The following SGCZ variants were observed in gnomAD, a reference collection of about 807,000 sequenced individuals.
The protein encoded by SGCZ is sarcoglycan zeta, also known as zeta-sarcoglycan.
Under a neutral mutation model 41.3 loss-of-function variants are expected in SGCZ, and 40 were observed. The ratio of observed to expected loss-of-function variants is 0.97; its 90% CI spans 0.75 to 1.26. The LOEUF is 1.26. SGCZ is among the 50% of genes most tolerant of loss of function. SGCZ has a pLI of 0.00. For missense variants in SGCZ, 552 were observed against 369.8 expected, an observed-to-expected ratio of 1.49 and a Z score of -4.04; for synonymous variants, 206 against 137.5, an observed-to-expected ratio of 1.50 and a Z score of -3.49.
intron 2 of SGCZ, among the ~76,000 whole-genome samples, chr8:14,384,356 T>G (rs1471878635): frequency 6.6e-6 from 1 of 152,140 alleles, no homozygotes; most frequent in Non-Finnish European, 1.5e-5. Context: ...AGCAAAGATT[T>G]GGAACCAACC....
At chr8:15,097,752 ACG>A (rs1189694268) in intron 1 of SGCZ, among the ~76,000 whole-genome samples, 1 of 73,344 alleles carries the variant, frequency 1.4e-5, no homozygotes, top group Non-Finnish European at 3.2e-5. Context: ...ATATATATAC[ACG>A]TATATATGTG....
In SGCZ at chr8:14,506,651, T is replaced by C. The variant is rs73529044; in HGVS notation, c.234+48081A>G. Among the ~76,000 whole-genome samples the C allele has an allele frequency of 5.2e-3, 790 of 152,344 alleles. 4 individuals carry two copies. Among genetic ancestry groups the C allele is most frequent in the African/African-American group, 0.018 (761 of 41,588 alleles). On this transcript the variant is annotated intron_variant, in intron 2 of 7. Coordinates refer to ENST00000382080, the MANE Select transcript of SGCZ (RefSeq NM_139167.4). ...TCTCTTTCCCCTTCTGTCTGGACTT[T>C]AATCAGGCTTTGCCTGCCCTTCCCC...
intron 1 of SGCZ, among the ~76,000 whole-genome samples, chr8:15,205,599 A>G (rs1801032906): frequency 6.6e-6 from 1 of 152,192 alleles, no homozygotes; most frequent in African/African-American, 2.4e-5. Flanking sequence ...AAAAGTCAAA[A>G]AATAACAGAT....
At chr8:14,848,859 A>G (rs1803223908) in intron 1 of SGCZ, among the ~76,000 whole-genome samples, 1 of 152,198 alleles carries the variant, frequency 6.6e-6, no homozygotes, top group African/African-American at 2.4e-5. Flanking sequence ...AGAAAAACTG[A>G]AAACTTTTGC....
intron 1 of SGCZ, among the ~76,000 whole-genome samples, chr8:14,572,302 A>G (rs1313792754): frequency 6.6e-6 from 1 of 152,160 alleles, no homozygotes; most frequent in Non-Finnish European, 1.5e-5. Context: ...CATATCGCCA[A>G]TAATTTTCTG....
chr8:15,053,762 T>C (rs1337549161), intron 1 of SGCZ, among the ~76,000 whole-genome samples: 2 of 152,212 alleles, frequency 1.3e-5, no homozygotes, highest in Non-Finnish European at 2.9e-5. Flanking sequence ...GATATTTACC[T>C]GGATTACCTT....
At chr8:14,414,789 A>G (rs542213708) in intron 2 of SGCZ, among the ~76,000 whole-genome samples, 1 of 152,080 alleles carries the variant, frequency 6.6e-6, no homozygotes, top group Admixed American at 6.6e-5. Context: ...AGGTAAATAA[A>G]GCCATATGTT....
At chr8:14,660,442 G>A (rs1466193056) in intron 1 of SGCZ, among the ~76,000 whole-genome samples, 2 of 151,530 alleles carry the variant, frequency 1.3e-5, no homozygotes, top group Non-Finnish European at 2.9e-5. Flanking sequence ...CGTGGTGGTG[G>A]GCACCTGTAA....
chr8:14,361,182 T>C lies in SGCZ; in HGVS notation c.235-36978A>G, dbSNP rs1300223339. 3.3e-5 allele frequency among the ~76,000 whole-genome samples: 5 copies of C among 152,188 alleles called. No individual in the cohort carries two copies. The East Asian group carries it at 7.7e-4, about 24-fold the overall frequency. ...AACATTCTTTACATATTCCATTTAT[T>C]GGTCATTTTATCAAACATGTGGTTT... is the stretch of plus-strand genomic sequence containing the variant. On this transcript the variant is annotated intron_variant, in intron 2 of 7. Coordinates refer to ENST00000382080, the MANE Select transcript of SGCZ (RefSeq NM_139167.4).
At chr8:15,155,595 G>A (rs1016950862) in intron 1 of SGCZ, among the ~76,000 whole-genome samples, 1 of 152,148 alleles carries the variant, frequency 6.6e-6, no homozygotes, top group Non-Finnish European at 1.5e-5. Flanking sequence ...CAAGTTTGGT[G>A]TGCAAAATTA....
At chr8:14,578,285 C>T (rs942853536) in intron 1 of SGCZ, among the ~76,000 whole-genome samples, 3 of 152,190 alleles carry the variant, frequency 2.0e-5, no homozygotes, top group African/African-American at 7.2e-5. Context: ...TTTCCCTAAT[C>T]CACATCTAGG....
intron 4 of SGCZ, among the ~76,000 whole-genome samples, chr8:14,198,524 A>G (rs1247813757): frequency 3.3e-5 from 5 of 152,156 alleles, no homozygotes; most frequent in Admixed American, 1.3e-4. Flanking sequence ...ATTCAGTTGT[A>G]GTACAAACCC....
chr8:15,047,374 A>G (rs1401080751), intron 1 of SGCZ, among the ~76,000 whole-genome samples: 1 of 152,044 alleles, frequency 6.6e-6, no homozygotes, highest in Non-Finnish European at 1.5e-5. Flanking sequence ...CTTGAGGGAA[A>G]TCACTTTTCT....
At chr8:15,228,929 C>T (rs544545259) in intron 1 of SGCZ, among the ~76,000 whole-genome samples, 98 of 152,324 alleles carry the variant, frequency 6.4e-4, no homozygotes, top group African/African-American at 2.3e-3. Flanking sequence ...CATGGTGGCT[C>T]ACACCTGTAA....
chr8:15,229,301 A>G (rs1486870615), intron 1 of SGCZ, among the ~76,000 whole-genome samples: 4 of 152,240 alleles, frequency 2.6e-5, no homozygotes, highest in East Asian at 1.9e-4. Flanking sequence ...AAGGATTTTA[A>G]TAATTTTAAC....
chr8:14,952,798 A>C (rs1800681074), intron 1 of SGCZ, among the ~76,000 whole-genome samples: 1 of 152,200 alleles, frequency 6.6e-6, no homozygotes, highest in Admixed American at 6.5e-5. Flanking sequence ...CAGAGCTTTT[A>C]GTAGACTGAA....
intron 1 of SGCZ, among the ~76,000 whole-genome samples, chr8:15,088,442 G>A (rs968041881): frequency 2.6e-5 from 4 of 152,006 alleles, no homozygotes; most frequent in African/African-American, 9.7e-5. Flanking sequence ...AAAATTTAAT[G>A]TGTTTCTCTA....
At chr8:14,181,828 G>C (rs984598616) in intron 4 of SGCZ, among the ~76,000 whole-genome samples, 1 of 152,116 alleles carries the variant, frequency 6.6e-6, no homozygotes, top group African/African-American at 2.4e-5. Flanking sequence ...TCAGCCTTGG[G>C]TATGTCTTTC....
chr8:14,565,275 A>G (rs1464238081), intron 1 of SGCZ, among the ~76,000 whole-genome samples: 1 of 152,140 alleles, frequency 6.6e-6, no homozygotes, highest in Non-Finnish European at 1.5e-5. Context: ...TATGTGGGAA[A>G]TAGTTATCCA....
Sources: allele counts gnomAD v4.1 joint callset (sites outside exome capture counted in the v4.1 genomes callset), GRCh38; gene constraint gnomAD v4.1.1; transcripts MANE v1.5; gene names NCBI Gene and HGNC (gene_info 2026-07-23, HGNC 2026-07-21).